The following SLC24A2 variants were observed in gnomAD, a reference collection of about 807,000 sequenced individuals.
SLC24A2 encodes the protein solute carrier family 24 member 2.
Under a neutral mutation model 62.0 loss-of-function variants are expected in SLC24A2, and 36 were observed. The observed-to-expected ratio is 0.58, with a 90% CI of 0.44 to 0.77. SLC24A2 has a LOEUF of 0.77. SLC24A2 is among the 30% of genes least tolerant of loss of function. The probability of loss-of-function intolerance (pLI) is 0.00; values close to 1 mark genes in which losing one functional copy is unlikely to be tolerated. For missense variants in SLC24A2, 846 were observed against 817.9 expected (o/e 1.03, Z -0.42); for synonymous variants, 358 against 294.0 (o/e 1.22, Z -2.23).
chr9:19,687,363 C>T (rs1344531528), intron 2 of SLC24A2, among the ~76,000 whole-genome samples: 1 of 152,108 alleles, frequency 6.6e-6, no homozygotes, highest in Admixed American at 6.6e-5. Flanking sequence ...CCCTTGTGTA[C>T]ATAGTCCTCA....
chr9:19,562,705 A>C (rs1189145910), intron 7 of SLC24A2, among the ~76,000 whole-genome samples: 1 of 152,220 alleles, frequency 6.6e-6, no homozygotes, highest in African/African-American at 2.4e-5. Flanking sequence ...TCAGTAAAAA[A>C]ATCCCTAATT....
intron 2 of SLC24A2, among the ~76,000 whole-genome samples, chr9:19,656,693 C>T (rs1428775820): frequency 6.6e-6 from 1 of 152,198 alleles, no homozygotes. Context: ...ATTTCCTTCC[C>T]AGTTCCTCCT....
the SLC24A2 span, among the ~76,000 whole-genome samples, chr9:20,198,498 G>A: frequency 4.6e-5 from 7 of 152,094 alleles, no homozygotes; most frequent in East Asian, 1.9e-4. Flanking sequence ...GACTTACTCC[G>A]TGCAGTTTAA....
At chr9:19,899,827 A>C in the SLC24A2 span, among the ~76,000 whole-genome samples, 3 of 152,168 alleles carry the variant, frequency 2.0e-5, no homozygotes, top group African/African-American at 7.2e-5. Flanking sequence ...TTATAAAACC[A>C]TCAGAATTCA....
the SLC24A2 span, among the ~76,000 whole-genome samples, chr9:20,067,489 G>A: frequency 6.6e-6 from 1 of 151,840 alleles, no homozygotes; most frequent in African/African-American, 2.4e-5. Flanking sequence ...ATGCTCCCAG[G>A]TAAGGAGCAC....
intron 2 of SLC24A2, among the ~76,000 whole-genome samples, chr9:19,709,637 C>T (rs1820652159): frequency 6.6e-6 from 1 of 151,266 alleles, no homozygotes; most frequent in Non-Finnish European, 1.5e-5. Flanking sequence ...CCATCATTCT[C>T]AGCAAACTAT....
intron 8 of SLC24A2, among the ~76,000 whole-genome samples, chr9:19,537,213 C>G (rs911994001): frequency 1.4e-5 from 2 of 145,026 alleles, no homozygotes; most frequent in African/African-American, 5.1e-5. Flanking sequence ...TTAATTAGAT[C>G]CCATTTGTCA....
chr9:19,852,900 T>C, the SLC24A2 span, among the ~76,000 whole-genome samples: 1 of 151,972 alleles, frequency 6.6e-6, no homozygotes, highest in Non-Finnish European at 1.5e-5. Context: ...AATCTATAAA[T>C]TTGGGCAGTA....
intron 4 of SLC24A2, among the ~76,000 whole-genome samples, chr9:19,617,890 G>A (rs1817810680): frequency 6.6e-6 from 1 of 152,334 alleles, no homozygotes; most frequent in Non-Finnish European, 1.5e-5. Flanking sequence ...GGCAATGGAA[G>A]AACTGAAAGA....
chr9:20,038,698 C>G, the SLC24A2 span, among the ~76,000 whole-genome samples: 12 of 151,038 alleles, frequency 7.9e-5, no homozygotes, highest in African/African-American at 2.9e-4. Flanking sequence ...TCACAGTCTC[C>G]TCATTTGCAT....
At chr9:19,668,849 T>C (rs1819332285) in intron 2 of SLC24A2, among the ~76,000 whole-genome samples, 1 of 152,206 alleles carries the variant, frequency 6.6e-6, no homozygotes, top group Non-Finnish European at 1.5e-5. Context: ...AGAGATCAGG[T>C]CTTTTTCATT....
At position 19,516,395 on chromosome 9, in the gene SLC24A2, G is replaced by C; in HGVS notation, c.1744C>G (p.Leu582Val). Residue 582 changes from leucine to valine, a missense_variant, in exon 11 of 11, where the codon CTG becomes GTG. Transcript: ENST00000341998. ...NIFDITVGLP[L>V]PWLLYTVIHR... The stretch of plus-strand genomic sequence containing the variant: ...ATGACGGTGTACAGGAGCCAGGGCA[G>C]TGGGAGCCTGTGCAGAAGTGAAGCA... 1 of 1,613,764 alleles carries C rather than the reference G, an allele frequency of 6.2e-7. No homozygotes were observed. The highest frequency in any genetic ancestry group is 8.5e-7 in the Non-Finnish European group (1 of 1,179,956).
intron 2 of SLC24A2, among the ~76,000 whole-genome samples, chr9:19,634,278 C>CTTTTTTTTTTTTTTTTTTTTTTTTT: frequency 7.5e-6 from 1 of 132,552 alleles, no homozygotes. Flanking sequence ...GAAACTGCAG[C>CTTTTTTTTTTTTTTTTTTTTTTTTT]CTCTTTTTTT....
the SLC24A2 span, chr9:19,926,167 C>G: frequency 3.3e-5 from 5 of 152,192 alleles, no homozygotes; most frequent in Non-Finnish European, 7.3e-5. Flanking sequence ...CTAAGCATGA[C>G]CACTAGATGG....
chr9:19,984,943 A>T, the SLC24A2 span, among the ~76,000 whole-genome samples: 1 of 152,152 alleles, frequency 6.6e-6, no homozygotes, highest in Non-Finnish European at 1.5e-5. Context: ...TGTAAAACTA[A>T]AACTGCTCTA....
chr9:19,930,891 A>C, the SLC24A2 span, among the ~76,000 whole-genome samples: 1 of 152,338 alleles, frequency 6.6e-6, no homozygotes, highest in African/African-American at 2.4e-5. Context: ...TTTATTTTAA[A>C]GATTAATAAT....
chr9:19,760,611 G>A (rs1822291097), intron 2 of SLC24A2, among the ~76,000 whole-genome samples: 1 of 151,198 alleles, frequency 6.6e-6, no homozygotes, highest in African/African-American at 2.4e-5. Context: ...ATGAGAACAT[G>A]TGGTGTTTGG....
In SLC24A2 at chr9:19,573,381, G is replaced by C; in HGVS notation, c.1317C>G (p.Leu439=). Reference sequence around the variant, plus strand: ...CTTCTGCACCTTCAATGTTGTGGGAGAGATTTCCATTTTGTACAGGTTCTG... The same window carrying C: ...CTTCTGCACCTTCAATGTTGTGGGACAGATTTCCATTTTGTACAGGTTCTG... ...DASEPVQNGN[L]SHNIEGAEAQ... The change falls in exon 7 of 11, where the codon CTC becomes CTG. Residue 439 remains leucine (L), a synonymous_variant. Transcript: ENST00000341998. 1 of 1,613,214 alleles carries C rather than the reference G, an allele frequency of 6.2e-7. No individual in the cohort carries two copies. The highest frequency in any genetic ancestry group is 1.1e-5 in the South Asian group (1 of 91,036).
chr9:19,955,922 G>C, the SLC24A2 span, among the ~76,000 whole-genome samples: 1 of 152,144 alleles, frequency 6.6e-6, no homozygotes, highest in Non-Finnish European at 1.5e-5. Context: ...TTTCAACCAA[G>C]TTGGAATTAA....
Sources: gnomAD v4.1 joint callset for allele counts (sites outside exome capture counted in the v4.1 genomes callset) on GRCh38, gnomAD v4.1.1 for gene constraint, MANE v1.5 for transcripts, NCBI Gene and HGNC (gene_info 2026-07-23, HGNC 2026-07-21) for gene names.